Variants in BRINP1 observed in about 807,000 individuals in gnomAD.
BRINP1 encodes the protein BMP/retinoic acid inducible neural specific 1.
Under a neutral mutation model 72.9 loss-of-function variants are expected in BRINP1, and 17 were observed. That is an observed-to-expected ratio of 0.23 (90% CI 0.16 to 0.35). BRINP1 has a LOEUF of 0.35. Among genes scored for constraint, BRINP1 ranks in the 10% least tolerant of loss-of-function variants. BRINP1 has a pLI of 1.00. For synonymous variants in BRINP1, 418 were observed against 378.5 expected (o/e 1.10, Z -1.21); for missense variants, 850 against 1,001.6 (o/e 0.85, Z 2.04).
At chr9:119,299,091 A>G (rs557641935) in intron 2 of BRINP1, among the ~76,000 whole-genome samples, 6 of 152,244 alleles carry the variant, frequency 3.9e-5, no homozygotes, top group South Asian at 2.1e-4. Flanking sequence ...AAAATCTACT[A>G]TCACATTTTC....
chr9:119,283,314 G>T, intron 2 of BRINP1: 2 of 415,268 alleles, frequency 4.8e-6, no homozygotes, highest in Non-Finnish European at 6.5e-6. Context: ...CAGACCCAGT[G>T]ACTCAGAAAC....
At chr9:119,181,076 T>A (rs1829551494) in intron 7 of BRINP1, among the ~76,000 whole-genome samples, 1 of 152,194 alleles carries the variant, frequency 6.6e-6, no homozygotes, top group African/African-American at 2.4e-5. Flanking sequence ...ATTCAGCATT[T>A]TGCTTTGGGG....
intron 5 of BRINP1, among the ~76,000 whole-genome samples, chr9:119,219,942 G>A (rs923757622): frequency 3.3e-5 from 5 of 152,068 alleles, no homozygotes; most frequent in Non-Finnish European, 7.4e-5. Context: ...AAAAGGCCAC[G>A]GGCATAGAAC....
chr9:119,245,227 AC>A (rs1220280276), intron 3 of BRINP1, among the ~76,000 whole-genome samples: 2 of 152,194 alleles, frequency 1.3e-5, no homozygotes, highest in African/African-American at 4.8e-5. Flanking sequence ...ACATGTTGCA[AC>A]CATATATATG....
At chr9:119,256,954 T>C (rs772810988) in intron 2 of BRINP1, among the ~76,000 whole-genome samples, 5 of 152,144 alleles carry the variant, frequency 3.3e-5, no homozygotes, top group African/African-American at 7.2e-5. Flanking sequence ...ACACATCTTA[T>C]AGGCCGTAAA....
At chr9:119,294,488 T>G in intron 2 of BRINP1, among the ~76,000 whole-genome samples, 1 of 152,116 alleles carries the variant, frequency 6.6e-6, no homozygotes, top group African/African-American at 2.4e-5. Flanking sequence ...ATCATACCAC[T>G]GCACTCCAGC....
chr9:119,303,020 T>C (rs568870082), intron 2 of BRINP1, among the ~76,000 whole-genome samples: 3 of 152,106 alleles, frequency 2.0e-5, no homozygotes, highest in Non-Finnish European at 4.4e-5. Context: ...AATGCACAGG[T>C]GAGCACTTTT....
intron 2 of BRINP1, among the ~76,000 whole-genome samples, chr9:119,266,427 AC>A (rs1440851635): frequency 6.6e-6 from 1 of 152,250 alleles, no homozygotes; most frequent in Non-Finnish European, 1.5e-5. Context: ...AAGTGACGTT[AC>A]GATTATTTAA....
At chr9:119,367,865 T>C (rs1361906534) in intron 1 of BRINP1, among the ~76,000 whole-genome samples, 1 of 152,088 alleles carries the variant, frequency 6.6e-6, no homozygotes, top group Non-Finnish European at 1.5e-5. Flanking sequence ...TCTCTCTCCC[T>C]CTCCACCTCT....
At chr9:119,363,722 A>G (rs1587974418) in intron 1 of BRINP1, among the ~76,000 whole-genome samples, 1 of 152,208 alleles carries the variant, frequency 6.6e-6, no homozygotes, top group African/African-American at 2.4e-5. Flanking sequence ...TAAAGCCCAG[A>G]CCTGTGCTAT....
At chr9:119,205,209 C>T (rs1434889733) in intron 7 of BRINP1, among the ~76,000 whole-genome samples, 2 of 152,164 alleles carry the variant, frequency 1.3e-5, no homozygotes, top group Non-Finnish European at 2.9e-5. Flanking sequence ...TTCATCTCTC[C>T]TGGGAAGGCT....
At chr9:119,312,448 G>A (rs1000751503) in intron 2 of BRINP1, among the ~76,000 whole-genome samples, 3 of 152,278 alleles carry the variant, frequency 2.0e-5, no homozygotes, top group Non-Finnish European at 4.4e-5. Flanking sequence ...AAATTAAAGA[G>A]GTGTTAGTGT....
chr9:119,355,369 C>T (rs1313472675), intron 1 of BRINP1, among the ~76,000 whole-genome samples: 1 of 152,184 alleles, frequency 6.6e-6, no homozygotes, highest in East Asian at 1.9e-4. Flanking sequence ...GTGCTTTGTA[C>T]ATGCGACATT....
At chr9:119,240,468 C>A (rs1588174252) in intron 4 of BRINP1, among the ~76,000 whole-genome samples, 1 of 152,132 alleles carries the variant, frequency 6.6e-6, no homozygotes, top group Non-Finnish European at 1.5e-5. Flanking sequence ...AGGCAGACTG[C>A]ACTTCTAGGA....
At chr9:119,329,098 T>C (rs1831271277) in intron 1 of BRINP1, among the ~76,000 whole-genome samples, 1 of 152,224 alleles carries the variant, frequency 6.6e-6, no homozygotes, top group Non-Finnish European at 1.5e-5. Context: ...GTGCTCAAGA[T>C]ACAGCGACTC....
At chr9:119,356,767 T>C (rs1462625043) in intron 1 of BRINP1, among the ~76,000 whole-genome samples, 1 of 149,696 alleles carries the variant, frequency 6.7e-6, no homozygotes, top group Non-Finnish European at 1.5e-5. Context: ...ATCGCACCAT[T>C]GCACTCCAGC....
chr9:119,345,092 C>T (rs112197396), intron 1 of BRINP1, among the ~76,000 whole-genome samples: 16 of 152,202 alleles, frequency 1.1e-4, no homozygotes, highest in African/African-American at 3.6e-4. Flanking sequence ...TCGAGAGAGC[C>T]GGAAGCACCC....
intron 4 of BRINP1, among the ~76,000 whole-genome samples, chr9:119,239,587 A>G (rs1278677970): frequency 1.3e-5 from 2 of 152,204 alleles, no homozygotes; most frequent in Non-Finnish European, 2.9e-5. Context: ...CACAGCATCC[A>G]TTGTAAGGAA....
At chr9:119,286,561 A>G (rs538248289) in intron 2 of BRINP1, among the ~76,000 whole-genome samples, 3 of 152,334 alleles carry the variant, frequency 2.0e-5, no homozygotes, top group African/African-American at 7.2e-5. Context: ...TAACAGAGTA[A>G]CAAATTTAAC....
Sources: allele counts gnomAD v4.1 joint callset (sites outside exome capture counted in the v4.1 genomes callset), GRCh38; gene constraint gnomAD v4.1.1; transcripts MANE v1.5; gene names NCBI Gene and HGNC (gene_info 2026-07-23, HGNC 2026-07-21).